GPT2: variants seen among roughly 807,000 people sequenced by gnomAD.
GPT2 encodes glutamic--pyruvic transaminase 2.
GPT2 carries 30 observed loss-of-function variants against 56.9 expected under a neutral mutation model. The ratio of observed to expected loss-of-function variants is 0.53; its 90% CI spans 0.39 to 0.72. The LOEUF is 0.72. Among genes scored for constraint, GPT2 ranks in the 30% least tolerant of loss-of-function variants. The pLI is 0.00. For synonymous variants in GPT2, 271 were observed against 283.1 expected, an observed-to-expected ratio of 0.96 and a Z score of 0.43; for missense variants, 542 against 703.4, an observed-to-expected ratio of 0.77 and a Z score of 2.60.
At chr16:46,928,692 T>C (rs933570210) in intron 11 of GPT2, among the ~76,000 whole-genome samples, 1 of 152,158 alleles carries the variant, frequency 6.6e-6, no homozygotes, top group Non-Finnish European at 1.5e-5. Context: ...CTGCTCCAGT[T>C]TATTGCTTTT....
rs1347583515 is a variant in GPT2, at chr16:46,928,902, G to T, written c.1482-5G>T. The T allele has an allele frequency of 8.7e-6, 14 of 1,611,948 alleles. No homozygotes were observed. Among genetic ancestry groups the T allele is most frequent in the Non-Finnish European group, 1.1e-5 (13 of 1,178,062 alleles). On this transcript the variant is annotated splice_region_variant and splice_polypyrimidine_tract_variant and intron_variant, in intron 11 of 11. Coordinates refer to ENST00000340124, the MANE Select transcript of GPT2 (RefSeq NM_133443.4). Reference sequence around the variant, plus strand: ...CCAGGCTGACACTGTTGTCTCTCCTGCCAGGATGACTATCCTCCCTCCAGT... The same window carrying T: ...CCAGGCTGACACTGTTGTCTCTCCTTCCAGGATGACTATCCTCCCTCCAGT...
Position 46,884,798 on chromosome 16 carries a change from C to T in GPT2, c.83C>T (p.Ala28Val), listed in dbSNP as rs1960449408. 8 of 1,515,654 alleles carry T rather than the reference C, an allele frequency of 5.3e-6. No homozygotes were observed. The highest frequency in any genetic ancestry group is 7.1e-6 in the Non-Finnish European group (8 of 1,131,822). The allele number at this position is 1,515,654 out of a possible 1,614,324, so 93.9% of individuals were successfully genotyped here. A position where few individuals can be genotyped will look rare whatever the true frequency, so the allele number is the denominator to read the frequency against. The change falls in exon 2 of 12, where the codon GCC becomes GTC. Residue 28 changes from alanine to valine, a missense_variant. Physicochemically the swap from Ala to Val is moderately conservative, Grantham distance 64 (BLOSUM62 0). Transcript: ENST00000340124. ...TGGGGCCGCAGCCAGAGCAGCGCGG[C>T]CGCCGAGGCCTCGGCGGTGCTCAAG... ...SSWGRSQSSA[A>V]AEASAVLKVR...
chr16:46,916,534 A>G (rs1961169609), intron 6 of GPT2, 94 bp from the exon 7 acceptor site: 1 of 912,774 alleles, frequency 1.1e-6, no homozygotes, highest in East Asian at 2.4e-5. Context: ...TCAAGGGAAC[A>G]CAGGGCACTG....
chr16:46,900,299 G>T (rs1159485206), intron 3 of GPT2, among the ~76,000 whole-genome samples: 1 of 152,026 alleles, frequency 6.6e-6, no homozygotes, highest in Admixed American at 6.6e-5. Flanking sequence ...GGGAGTAGGG[G>T]GTTCTGCAGC....
intron 6 of GPT2, chr16:46,915,313 C>T (rs574849542): frequency 1.3e-4 from 19 of 151,594 alleles, no homozygotes; most frequent in Admixed American, 4.6e-4. Flanking sequence ...ACGTACACCA[C>T]ACATAGACAC....
chr16:46,893,367 G>A (rs1960620978), intron 2 of GPT2, among the ~76,000 whole-genome samples: 1 of 152,094 alleles, frequency 6.6e-6, no homozygotes. Flanking sequence ...TGCTGACCTC[G>A]TGATCTACCC....
rs1025223551 is a variant in GPT2 at position 46,922,636 on chromosome 16, T to C, written c.1212+220T>C. ...GAAGTAGGAGGACTGTGAGTGTGTG[T>C]GGGCAGGTGAACCCTTCCTCTTCCT... On this transcript the variant is annotated intron_variant, in intron 9 of 11. Coordinates refer to ENST00000340124, the MANE Select transcript of GPT2 (RefSeq NM_133443.4). Among the ~76,000 whole-genome samples, 4 of 152,096 alleles carry C rather than the reference T, an allele frequency of 2.6e-5. No homozygotes were observed. The East Asian group carries it at 7.7e-4, about 29-fold the overall frequency.
intron 1 of GPT2, 90 bp downstream of exon 1, chr16:46,884,557 CG>C: frequency 7.6e-6 from 7 of 918,472 alleles, no homozygotes; most frequent in Non-Finnish European, 1.0e-5. Context: ...GGGTCCGGGT[CG>C]CCGGGGGATG....
chr16:46,898,013 G>C (rs1960717678), intron 3 of GPT2, among the ~76,000 whole-genome samples: 3 of 152,160 alleles, frequency 2.0e-5, no homozygotes, highest in Admixed American at 2.0e-4. Context: ...AGGCAGTGGT[G>C]GGGTAGGCGG....
At chr16:46,899,064 C>T (rs1328598055) in intron 3 of GPT2, among the ~76,000 whole-genome samples, 1 of 143,236 alleles carries the variant, frequency 7.0e-6, no homozygotes, top group Non-Finnish European at 1.5e-5. Context: ...CAGAGTCTTG[C>T]TCTGTTGCCC....
chr16:46,886,637 G>A (rs917835093), intron 2 of GPT2, among the ~76,000 whole-genome samples: 1 of 152,214 alleles, frequency 6.6e-6, no homozygotes, highest in Non-Finnish European at 1.5e-5. Flanking sequence ...GGCTGGTGCT[G>A]TAGTGGAACA....
chr16:46,887,692 C>A (rs571880492), intron 2 of GPT2, among the ~76,000 whole-genome samples: 3 of 152,124 alleles, frequency 2.0e-5, no homozygotes, highest in Non-Finnish European at 4.4e-5. Flanking sequence ...TTGGTGGTAC[C>A]AAGGCCTTCA....
intron 2 of GPT2, among the ~76,000 whole-genome samples, chr16:46,887,908 C>G (rs1220196916): frequency 6.6e-6 from 1 of 152,190 alleles, no homozygotes; most frequent in Non-Finnish European, 1.5e-5. Context: ...CAGCTCTGTG[C>G]TCTTAGAGGG....
At chr16:46,916,605 T>C (rs1283089716) in intron 6 of GPT2, 23 bp from the exon 7 acceptor site, 1 of 1,581,636 alleles carries the variant, frequency 6.3e-7, no homozygotes, top group Non-Finnish European at 8.7e-7. Context: ...ACCGACATTT[T>C]GGTTTTCTTG....
chr16:46,909,567 G>A, intron 5 of GPT2, 117 bp from the exon 6 acceptor site: 1 of 1,181,228 alleles, frequency 8.5e-7, no homozygotes, highest in Non-Finnish European at 1.2e-6. Context: ...GAGACTCGGG[G>A]AAGTAAAGCG....
chr16:46,899,036 T>TATATATA (rs1567335294), intron 3 of GPT2, among the ~76,000 whole-genome samples: 2 of 62,346 alleles, frequency 3.2e-5, no homozygotes, highest in African/African-American at 1.1e-4. Flanking sequence ...TATATATATA[T>TATATATA]TTTTTTTTTT....
intron 8 of GPT2, among the ~76,000 whole-genome samples, chr16:46,920,653 G>A (rs566537272): frequency 6.6e-4 from 100 of 152,320 alleles, no homozygotes; most frequent in African/African-American, 2.0e-3. Context: ...GAATACTTCC[G>A]CCAGGTCAAG....
intron 4 of GPT2, 56 bp from the exon 5 acceptor site, chr16:46,906,786 G>T: frequency 6.2e-7 from 1 of 1,602,844 alleles, no homozygotes; most frequent in South Asian, 1.1e-5. Context: ...TAATTATATT[G>T]ACCCTGTGGA....
chr16:46,891,266 G>A (rs763569752), intron 2 of GPT2, among the ~76,000 whole-genome samples: 1 of 151,782 alleles, frequency 6.6e-6, no homozygotes, highest in South Asian at 2.1e-4. Flanking sequence ...TTTTTGAGAC[G>A]GAGTCTCGCT....
Sources: allele counts gnomAD v4.1 joint callset (sites outside exome capture counted in the v4.1 genomes callset), GRCh38; gene constraint gnomAD v4.1.1; transcripts MANE v1.5; gene names NCBI Gene and HGNC (gene_info 2026-07-23, HGNC 2026-07-21).